Variants in ARHGAP29 observed in about 807,000 individuals in gnomAD.
ARHGAP29 encodes the protein Rho GTPase activating protein 29, also known as rho GTPase-activating protein 29.
Under a neutral mutation model 122.6 loss-of-function variants are expected in ARHGAP29, and 43 were observed. The observed-to-expected ratio is 0.35, with a 90% CI of 0.27 to 0.45. The LOEUF (loss-of-function observed/expected upper bound fraction) is 0.45, where lower values mean the gene tolerates loss of function less well. Ranked by LOEUF, ARHGAP29 falls within the 20% of genes least tolerant of loss-of-function variation. The probability of loss-of-function intolerance (pLI) is 1.00; values close to 1 mark genes in which losing one functional copy is unlikely to be tolerated. For synonymous variants in ARHGAP29, 506 were observed against 497.1 expected (o/e 1.02, Z -0.24); for missense variants, 1,303 against 1,477.2 (o/e 0.88, Z 1.93).
chr1:94,185,315 G>A (rs924272008), intron 17 of ARHGAP29, 27 bp downstream of exon 17: 28 of 1,545,552 alleles, frequency 1.8e-5, no homozygotes, highest in Non-Finnish European at 2.3e-5. Flanking sequence ...GCATAAAAGG[G>A]TCAACACAAT....
In ARHGAP29 at chr1:94,236,104, C is replaced by T. The variant is rs181889455; in HGVS notation, c.-33+1311G>A. On this transcript the variant is annotated intron_variant, in intron 1 of 22. Coordinates refer to ENST00000260526, the MANE Select transcript of ARHGAP29 (RefSeq NM_004815.4). ...TGAGATGCTAAAAAGATTAGATGAG[C>T]TCATCCTAAAACGATGATTAAATCT... 8.5e-5 allele frequency among the ~76,000 whole-genome samples: 13 copies of T among 152,304 alleles called. No homozygotes were observed. The East Asian group carries it at 1.9e-3, about 23-fold the overall frequency.
At chr1:94,249,775 T>C (rs944205089) in intron 1 of ARHGAP29, among the ~76,000 whole-genome samples, 3 of 151,960 alleles carry the variant, frequency 2.0e-5, no homozygotes, top group Non-Finnish European at 4.4e-5. Context: ...GAAAGAAAAT[T>C]AGTCATCCTA....
intron 17 of ARHGAP29, 75 bp from the exon 18 acceptor site, chr1:94,185,135 A>T: frequency 7.2e-7 from 1 of 1,388,462 alleles, no homozygotes. Flanking sequence ...GGTGGAAGGT[A>T]ACACAACAAA....
intron 1 of ARHGAP29, among the ~76,000 whole-genome samples, chr1:94,236,175 G>A (rs1194020182): frequency 6.6e-6 from 1 of 152,246 alleles, no homozygotes; most frequent in African/African-American, 2.4e-5. Context: ...ATAGGGACAT[G>A]TGAGAAAGAG....
At chr1:94,299,311 C>T in the ARHGAP29 span, among the ~76,000 whole-genome samples, 1 of 152,060 alleles carries the variant, frequency 6.6e-6, no homozygotes, top group Admixed American at 6.5e-5. Context: ...TAATTTTTTT[C>T]CTTCAGTTTT....
intron 12 of ARHGAP29, chr1:94,194,351 T>C (rs1650311812): frequency 6.6e-6 from 1 of 152,222 alleles, no homozygotes; most frequent in South Asian, 2.1e-4. Context: ...AGAATGCTTA[T>C]TTTGTATCTT....
intron 1 of ARHGAP29, among the ~76,000 whole-genome samples, chr1:94,249,120 C>T (rs1258156438): frequency 6.6e-6 from 1 of 152,236 alleles, no homozygotes; most frequent in African/African-American, 2.4e-5. Flanking sequence ...AAATAAGGGG[C>T]AATATCTCCA....
rs143494388 is a variant in ARHGAP29, at chr1:94,273,285, C to A, written c.-33+1727G>T. Among the ~76,000 whole-genome samples the A allele has an allele frequency of 5.6e-3, 854 of 152,332 alleles. 1 individual carries two copies. The highest frequency in any genetic ancestry group is 0.041 in the Middle Eastern group (12 of 294). ...ATCAAATGAGTCAGAACGCTCTCCT[C>A]CTTTGCACGAGCTAGTCTGCAGTAC... On this transcript the variant is annotated intron_variant and NMD_transcript_variant, in intron 1 of 25. Transcript: ENST00000552844.
chr1:94,229,584 AAC>A (rs1570576580), intron 2 of ARHGAP29, among the ~76,000 whole-genome samples: 1 of 151,926 alleles, frequency 6.6e-6, no homozygotes, highest in East Asian at 1.9e-4. Context: ...TTATCAAAAA[AAC>A]AGTTTATCTA....
At chr1:94,242,584 C>A (rs1361605249), upstream of ARHGAP29, among the ~76,000 whole-genome samples, 4 of 139,428 alleles carry the variant, frequency 2.9e-5, no homozygotes, top group East Asian at 2.1e-4. Context: ...TTAATTAAGC[C>A]AATAGTGGGC....
chr1:94,258,596 A>G (rs769040151), intron 1 of ARHGAP29, among the ~76,000 whole-genome samples: 132 of 152,330 alleles, frequency 8.7e-4, no homozygotes, highest in Non-Finnish European at 1.7e-3. Flanking sequence ...TGCTTTAGGC[A>G]GTTCCAGTGG....
the ARHGAP29 span, among the ~76,000 whole-genome samples, chr1:94,305,809 G>A: frequency 6.6e-6 from 1 of 152,204 alleles, no homozygotes; most frequent in African/African-American, 2.4e-5. Context: ...TACATTGATG[G>A]TTCAAGTTTA....
upstream of ARHGAP29, among the ~76,000 whole-genome samples, chr1:94,279,055 C>T (rs990792315): frequency 2.6e-5 from 4 of 152,200 alleles, no homozygotes; most frequent in African/African-American, 9.6e-5. Flanking sequence ...TGTTATTAAT[C>T]TGGCTAACAT....
At chr1:94,209,187 G>C in intron 4 of ARHGAP29, 67 bp downstream of exon 4, 1 of 1,147,456 alleles carries the variant, frequency 8.7e-7, no homozygotes, top group Non-Finnish European at 1.3e-6. Context: ...TATGTTACTG[G>C]ATAATGCAAC....
intron 3 of ARHGAP29, among the ~76,000 whole-genome samples, chr1:94,215,104 G>GAAAAAAAA (rs199693229): frequency 2.4e-5 from 2 of 83,644 alleles, no homozygotes; most frequent in African/African-American, 7.5e-5. Context: ...GCATGAAAAG[G>GAAAAAAAA]AAAAAAAAAA....
chr1:94,314,455 A>T, the ARHGAP29 span, among the ~76,000 whole-genome samples: 3 of 152,188 alleles, frequency 2.0e-5, no homozygotes, highest in Non-Finnish European at 4.4e-5. Context: ...CCCTGAACAA[A>T]GAACCCACAG....
chr1:94,218,234 T>C (rs2101575195), intron 3 of ARHGAP29, among the ~76,000 whole-genome samples: 2 of 152,162 alleles, frequency 1.3e-5, no homozygotes, highest in South Asian at 2.1e-4. Flanking sequence ...GAAAACACAA[T>C]ATTTAAAGTG....
At chr1:94,288,658 T>G in the ARHGAP29 span, among the ~76,000 whole-genome samples, 10 of 152,230 alleles carry the variant, frequency 6.6e-5, no homozygotes, top group African/African-American at 2.4e-4. Context: ...TTAATCCATC[T>G]TGAGTTAATT....
intron 3 of ARHGAP29, among the ~76,000 whole-genome samples, chr1:94,217,860 CAAA>C (rs147929517): frequency 2.6e-5 from 4 of 150,984 alleles, no homozygotes; most frequent in African/African-American, 9.7e-5. Flanking sequence ...TAAAAAAAAA[CAAA>C]AAAAAAAAAA....
Sources: gnomAD v4.1 joint callset for allele counts (sites outside exome capture counted in the v4.1 genomes callset) on GRCh38, gnomAD v4.1.1 for gene constraint, MANE v1.5 for transcripts, NCBI Gene and HGNC (gene_info 2026-07-23, HGNC 2026-07-21) for gene names.